The following CEP85L variants were observed in gnomAD, a reference collection of about 807,000 sequenced individuals.
CEP85L encodes the protein centrosomal protein of 85 kDa-like.
In CEP85L, 60 loss-of-function variants were observed where a neutral mutation model predicts 100.3. The ratio of observed to expected loss-of-function variants is 0.60; its 90% CI spans 0.49 to 0.74. CEP85L has a LOEUF of 0.74. Among genes scored for constraint, CEP85L ranks in the 30% least tolerant of loss-of-function variants. CEP85L has a pLI of 0.00. For synonymous variants in CEP85L, 319 were observed against 322.7 expected, an observed-to-expected ratio of 0.99 and a Z score of 0.12; for missense variants, 973 against 936.2, an observed-to-expected ratio of 1.04 and a Z score of -0.51.
intron 2 of CEP85L, among the ~76,000 whole-genome samples, chr6:118,578,448 T>A (rs1043821500): frequency 6.6e-6 from 1 of 152,168 alleles, no homozygotes; most frequent in Admixed American, 6.5e-5. Context: ...TAAAAACCCT[T>A]TGGCCGGGAG....
At chr6:118,583,237 T>C (rs1301137174) in intron 2 of CEP85L, among the ~76,000 whole-genome samples, 1 of 152,114 alleles carries the variant, frequency 6.6e-6, no homozygotes, top group African/African-American at 2.4e-5. Flanking sequence ...AGACTGCCAT[T>C]ACAGCACAGG....
intron 1 of CEP85L, among the ~76,000 whole-genome samples, chr6:118,672,883 CGAA>C (rs1044517607): frequency 1.1e-4 from 17 of 151,174 alleles, no homozygotes; most frequent in Admixed American, 6.6e-4. Context: ...ACAATGACAA[CGAA>C]GAAGAAGAGA....
At chr6:118,601,081 A>G (rs1781761523) in intron 2 of CEP85L, among the ~76,000 whole-genome samples, 1 of 152,220 alleles carries the variant, frequency 6.6e-6, no homozygotes, top group South Asian at 2.1e-4. Context: ...CTGAGTTAAG[A>G]ACATATACAC....
chr6:118,493,840 AG>A (rs1311344056), intron 5 of CEP85L, among the ~76,000 whole-genome samples: 5 of 152,210 alleles, frequency 3.3e-5, no homozygotes, highest in African/African-American at 2.4e-5. Flanking sequence ...ATACAAGTAC[AG>A]ATGGACACCA....
At chr6:118,515,505 C>A (rs1776220644) in intron 4 of CEP85L, among the ~76,000 whole-genome samples, 1 of 152,114 alleles carries the variant, frequency 6.6e-6, no homozygotes, top group Admixed American at 6.5e-5. Flanking sequence ...ATGAAACAAG[C>A]ACCAACAAAC....
Position 118,689,583 on chromosome 6 carries a change from T to C in CEP85L, c.-28+20453A>G, listed in dbSNP as rs117910275. ...GAAATCAATAAATTAATGACTACAGTGCTAAAATAAATAATTGATCAGTGC... is the reference window on the plus strand; with the variant it reads ...GAAATCAATAAATTAATGACTACAGCGCTAAAATAAATAATTGATCAGTGC... On this transcript the variant is annotated intron_variant, in intron 1 of 13. Coordinates refer to the CEP85L transcript ENST00000368488. Among the ~76,000 whole-genome samples, 4 of 152,320 alleles carry C rather than the reference T, an allele frequency of 2.6e-5. No homozygotes were observed. The East Asian group carries it at 7.7e-4, about 29-fold the overall frequency.
chr6:118,537,863 C>T, intron 3 of CEP85L: 1 of 985,226 alleles, frequency 1.0e-6, no homozygotes, highest in Non-Finnish European at 1.2e-6. Context: ...TGTCACGTAA[C>T]ACAGTAAATC....
intron 1 of CEP85L, among the ~76,000 whole-genome samples, chr6:118,681,860 C>T (rs1776672884): frequency 6.6e-6 from 1 of 151,656 alleles, no homozygotes. Flanking sequence ...CCTGCCTCAG[C>T]CTCCCGAGTA....
intron 5 of CEP85L, 102 bp downstream of exon 5, chr6:118,511,196 A>G: frequency 1.3e-6 from 1 of 750,138 alleles, no homozygotes; most frequent in Non-Finnish European, 2.3e-6. Context: ...TCATGTGAAT[A>G]CATTATTAAG....
chr6:118,637,731 T>C (rs1354624843), intron 1 of CEP85L, among the ~76,000 whole-genome samples: 2 of 115,168 alleles, frequency 1.7e-5, no homozygotes, highest in African/African-American at 6.0e-5. Flanking sequence ...AAAAAAGTTG[T>C]CTATATATTT....
rs183518677 is a variant in CEP85L at position 118,651,539 on chromosome 6, C to G, written c.-270G>C. The G allele has an allele frequency of 1.3e-4, 161 of 1,254,046 alleles. No individual in the cohort carries two copies. The highest frequency in any genetic ancestry group is 1.5e-4 in the Non-Finnish European group (152 of 998,552). 77.7% of individuals were successfully genotyped at this position (1,254,046 alleles called of 1,614,324 possible). A position where few individuals can be genotyped will look rare whatever the true frequency, so the allele number is the denominator to read the frequency against. ...TCGGCGGTGACGGCTGCTAGATCCC[C>G]GGCTGAGCCCAGGCTCAAAGGCTCC... On this transcript the variant is annotated 5_prime_UTR_variant, in exon 1 of 13. Coordinates refer to ENST00000368491, the MANE Select transcript of CEP85L (RefSeq NM_001042475.3).
chr6:118,692,075 G>A (rs1777062820), intron 1 of CEP85L, among the ~76,000 whole-genome samples: 1 of 152,036 alleles, frequency 6.6e-6, no homozygotes, highest in African/African-American at 2.4e-5. Context: ...AGGGCGAGGG[G>A]ACAAGGCTGA....
chr6:118,675,600 A>T (rs1776457210), intron 1 of CEP85L, among the ~76,000 whole-genome samples: 2 of 76,422 alleles, frequency 2.6e-5, no homozygotes, highest in South Asian at 8.5e-4. Flanking sequence ...TGCTAGAATT[A>T]AAAAAAAAAA....
chr6:118,517,115 T>C (rs1036385069), intron 4 of CEP85L, among the ~76,000 whole-genome samples: 6 of 152,226 alleles, frequency 3.9e-5, no homozygotes, highest in African/African-American at 1.4e-4. Context: ...TCTGTCTTCG[T>C]ACAAGTACCA....
At chr6:118,686,040 T>G (rs1160012788) in intron 1 of CEP85L, among the ~76,000 whole-genome samples, 2 of 152,156 alleles carry the variant, frequency 1.3e-5, no homozygotes, top group Non-Finnish European at 2.9e-5. Context: ...ATTCCCAAAG[T>G]GGGCCACTGG....
intron 2 of CEP85L, among the ~76,000 whole-genome samples, chr6:118,591,426 G>A (rs893123026): frequency 5.9e-5 from 9 of 151,972 alleles, no homozygotes; most frequent in Non-Finnish European, 1.3e-4. Flanking sequence ...GCTGGTCATG[G>A]GCCAAGTCTT....
chr6:118,483,807 C>G lies in CEP85L; in HGVS notation c.1489G>C (p.Glu497Gln). The part of the protein sequence containing the change: ...ISSLKKKCQK[E>Q]SEQNKEKQRR... Reference sequence around the variant, plus strand: ...TGCTTTTCTTTGTTTTGTTCAGATTCCTTCTGGCATTTCTTTTTCAGACTA... The same window carrying G: ...TGCTTTTCTTTGTTTTGTTCAGATTGCTTCTGGCATTTCTTTTTCAGACTA... Residue 497 changes from glutamate to glutamine, a missense_variant, in exon 7 of 13, where the codon GAA (glutamate) becomes CAA (glutamine). Glu to Gln is a conservative substitution (Grantham distance 29, BLOSUM62 2). Transcript: ENST00000368491. The G allele has an allele frequency of 3.1e-6, 5 of 1,613,738 alleles. No homozygotes were observed. Among genetic ancestry groups the G allele is most frequent in the Non-Finnish European group, 4.2e-6 (5 of 1,179,818 alleles).
At chr6:118,470,696 A>T (rs529961926) in intron 10 of CEP85L, 52 bp from the exon 11 acceptor site, 1 of 998,742 alleles carries the variant, frequency 1.0e-6, no homozygotes, top group East Asian at 2.5e-5. Context: ...TGTAAAGAAA[A>T]ATCTCAAACA....
chr6:118,705,503 C>T (rs1426469066), intron 1 of CEP85L, among the ~76,000 whole-genome samples: 1 of 152,226 alleles, frequency 6.6e-6, no homozygotes, highest in Non-Finnish European at 1.5e-5. Flanking sequence ...CCAGCCCTCC[C>T]TAGTAAAAGG....
Sources: allele counts gnomAD v4.1 joint callset (sites outside exome capture counted in the v4.1 genomes callset), GRCh38; gene constraint gnomAD v4.1.1; transcripts MANE v1.5; gene names NCBI Gene and HGNC (gene_info 2026-07-23, HGNC 2026-07-21).